Variants in SLC39A14 observed in about 807,000 individuals in gnomAD.
SLC39A14 encodes solute carrier family 39 member 14.
Under a neutral mutation model 45.5 loss-of-function variants are expected in SLC39A14, and 19 were observed. The observed-to-expected ratio is 0.42, with a 90% CI of 0.29 to 0.61. The LOEUF is 0.61. SLC39A14 is among the 20% of genes least tolerant of loss of function. The pLI, the probability that SLC39A14 is intolerant of heterozygous loss-of-function variation, is 0.22. For missense variants in SLC39A14, 447 were observed against 616.5 expected (o/e 0.73, Z 2.91); for synonymous variants, 264 against 251.3 (o/e 1.05, Z -0.48).
At chr8:22,397,166 T>C (rs529920159) in intron 1 of SLC39A14, among the ~76,000 whole-genome samples, 4 of 152,330 alleles carry the variant, frequency 2.6e-5, no homozygotes, top group Admixed American at 6.5e-5. Flanking sequence ...CTTGTGGTCC[T>C]ACCGAAAATT....
At chr8:22,372,993 G>T (rs1370711784) in intron 1 of SLC39A14, among the ~76,000 whole-genome samples, 6 of 152,224 alleles carry the variant, frequency 3.9e-5, no homozygotes, top group Admixed American at 6.5e-5. Context: ...AACGGGCGCA[G>T]TGACTCACAC....
At chr8:22,382,642 A>T (rs547031773) in intron 1 of SLC39A14, among the ~76,000 whole-genome samples, 1 of 152,198 alleles carries the variant, frequency 6.6e-6, no homozygotes, top group Non-Finnish European at 1.5e-5. Context: ...ACTGCACTAC[A>T]GCCTGTGCCA....
intron 1 of SLC39A14, chr8:22,390,223 A>G (rs1256351097): frequency 6.5e-6 from 1 of 154,510 alleles, no homozygotes; most frequent in Admixed American, 6.5e-5. Flanking sequence ...TTGAGGTCTA[A>G]TGTCTACAGT....
chr8:22,377,911 G>A (rs192349760), intron 1 of SLC39A14, among the ~76,000 whole-genome samples: 1 of 152,276 alleles, frequency 6.6e-6, no homozygotes, highest in African/African-American at 2.4e-5. Context: ...ATCTGTGCCC[G>A]CTCGGCTATG....
At chr8:22,372,814 T>G (rs535380362) in intron 1 of SLC39A14, among the ~76,000 whole-genome samples, 1 of 152,098 alleles carries the variant, frequency 6.6e-6, no homozygotes, top group Non-Finnish European at 1.5e-5. Context: ...AAAGAAAAAT[T>G]TTTTTGAGAC....
chr8:22,416,651 G>C (rs1835902073), intron 7 of SLC39A14, among the ~76,000 whole-genome samples: 1 of 151,146 alleles, frequency 6.6e-6, no homozygotes, highest in Non-Finnish European at 1.5e-5. Flanking sequence ...TGGCCAGGCT[G>C]GTCTTGAACT....
chr8:22,422,784 C>A, downstream of SLC39A14: 1 of 864,144 alleles, frequency 1.2e-6, no homozygotes, highest in Non-Finnish European at 1.4e-6. Context: ...TTTGTTTTAC[C>A]AGGTCTGGTT....
intron 8 of SLC39A14, among the ~76,000 whole-genome samples, chr8:22,418,997 C>T (rs1328465180): frequency 1.3e-5 from 2 of 150,922 alleles, no homozygotes; most frequent in Non-Finnish European, 1.5e-5. Context: ...CCACTGCACT[C>T]GAGCCTGGGC....
At chr8:22,383,774 T>C (rs914562302) in intron 1 of SLC39A14, among the ~76,000 whole-genome samples, 5 of 152,158 alleles carry the variant, frequency 3.3e-5, no homozygotes, top group Non-Finnish European at 7.4e-5. Context: ...CCCAGGCCCA[T>C]GTGACTCCAA....
chr8:22,408,153 G>T (rs142397176), intron 2 of SLC39A14, among the ~76,000 whole-genome samples, 157 bp from the exon 3 acceptor site: 1 of 152,170 alleles, frequency 6.6e-6, no homozygotes, highest in Non-Finnish European at 1.5e-5. Flanking sequence ...GGAATACCTT[G>T]CCCTCATCCC....
At chr8:22,387,647 GTGT>G (rs1833860911) in intron 1 of SLC39A14, among the ~76,000 whole-genome samples, 1 of 152,210 alleles carries the variant, frequency 6.6e-6, no homozygotes, top group African/African-American at 2.4e-5. Context: ...GTGTGAGCGG[GTGT>G]TGGATCGTCT....
chr8:22,383,337 A>G (rs1331494343), intron 1 of SLC39A14, among the ~76,000 whole-genome samples: 1 of 151,912 alleles, frequency 6.6e-6, no homozygotes, highest in East Asian at 1.9e-4. Flanking sequence ...CAGCCAGCTC[A>G]CCAGAAGCAC....
chr8:22,391,490 T>G (rs1834067657), intron 1 of SLC39A14, among the ~76,000 whole-genome samples: 1 of 152,106 alleles, frequency 6.6e-6, no homozygotes, highest in Admixed American at 6.5e-5. Flanking sequence ...GACACCTGAC[T>G]TCAGATGATC....
rs753564813 is a variant in SLC39A14, at chr8:22,416,382, C to T, written c.1147+102C>T. The T allele has an allele frequency of 5.4e-6, 5 of 930,616 alleles. No homozygotes were observed. In the East Asian group the frequency reaches 1.2e-4, roughly 23 times the overall value. 57.6% of individuals were successfully genotyped at this position (930,616 alleles called of 1,614,324 possible). A position where few individuals can be genotyped will look rare whatever the true frequency, so the allele number is the denominator to read the frequency against. ...CTCCCATCTCCCTGTCTTCACAGTG[C>T]TTATTGTAACTGATTTAACACACTC... On this transcript the variant is annotated intron_variant, in intron 7 of 8. Transcript: ENST00000381237.
At chr8:22,418,197 A>G (rs1189204467) in intron 8 of SLC39A14, among the ~76,000 whole-genome samples, 1 of 152,138 alleles carries the variant, frequency 6.6e-6, no homozygotes, top group Non-Finnish European at 1.5e-5. Context: ...ACCACCGCAC[A>G]TGGCTGGTAG....
At chr8:22,388,551 G>A (rs1833904774) in intron 1 of SLC39A14, among the ~76,000 whole-genome samples, 1 of 152,062 alleles carries the variant, frequency 6.6e-6, no homozygotes, top group African/African-American at 2.4e-5. Flanking sequence ...TGCTTTGGGT[G>A]GGGAGGGGCG....
chr8:22,378,714 A>C (rs1412233474), intron 1 of SLC39A14, among the ~76,000 whole-genome samples: 1 of 152,316 alleles, frequency 6.6e-6, no homozygotes, highest in African/African-American at 2.4e-5. Context: ...GTGGTCAGCA[A>C]ATACCTGCAG....
At chr8:22,380,272 G>A (rs554940503) in intron 1 of SLC39A14, among the ~76,000 whole-genome samples, 1 of 152,328 alleles carries the variant, frequency 6.6e-6, no homozygotes, top group African/African-American at 2.4e-5. Context: ...ACACTGTCCT[G>A]TAGGATGGGC....
chr8:22,427,083 G>A (rs897631179), downstream of SLC39A14, among the ~76,000 whole-genome samples: 10 of 151,706 alleles, frequency 6.6e-5, no homozygotes, highest in Non-Finnish European at 1.3e-4. Flanking sequence ...ACCTGAGGTC[G>A]GGAGTTTGAG....
Sources: allele counts gnomAD v4.1 joint callset (sites outside exome capture counted in the v4.1 genomes callset), GRCh38; gene constraint gnomAD v4.1.1; transcripts MANE v1.5; gene names NCBI Gene and HGNC (gene_info 2026-07-23, HGNC 2026-07-21).